PLXNA4: variants seen among roughly 807,000 people sequenced by gnomAD.
PLXNA4 encodes the protein plexin A4, also known as plexin-A4.
PLXNA4 carries 44 observed loss-of-function variants against 191.8 expected under a neutral mutation model. The ratio of observed to expected loss-of-function variants is 0.23; its 90% confidence interval spans 0.18 to 0.29. The LOEUF is 0.29. Ranked by LOEUF, PLXNA4 falls within the 10% of genes least tolerant of loss-of-function variation. The pLI, the probability that PLXNA4 is intolerant of heterozygous loss-of-function variation, is 1.00. For synonymous variants in PLXNA4, 1,082 were observed against 1,009.5 expected (o/e 1.07, Z -1.36); for missense variants, 1,800 against 2,488.8 (o/e 0.72, Z 5.89).
chr7:132,541,900 C>T (rs759536296), intron 1 of PLXNA4, among the ~76,000 whole-genome samples: 1 of 152,188 alleles, frequency 6.6e-6, no homozygotes, highest in African/African-American at 2.4e-5. Flanking sequence ...ACTCACTCAA[C>T]AAATGAATGA....
At chr7:132,484,892 C>A in intron 3 of PLXNA4, 1 of 1,614,196 alleles carries the variant, frequency 6.2e-7, no homozygotes, top group East Asian at 2.2e-5. Context: ...TGCTTTGTGA[C>A]TTGAGCACTG....
intron 3 of PLXNA4, chr7:132,367,910 G>A (rs577589417): frequency 1.3e-5 from 2 of 152,274 alleles, no homozygotes; most frequent in Admixed American, 1.3e-4. Flanking sequence ...AGGCCAAATA[G>A]CTGGCCCAGG....
At chr7:132,387,924 G>A (rs115716893) in intron 3 of PLXNA4, among the ~76,000 whole-genome samples, 1,814 of 152,136 alleles carry the variant, frequency 0.012, 36 homozygotes, top group African/African-American at 0.041. Flanking sequence ...CTCCAGCATA[G>A]AGCCAGAGAG....
At chr7:132,569,180 A>G (rs1424916809) in intron 1 of PLXNA4, among the ~76,000 whole-genome samples, 1 of 152,202 alleles carries the variant, frequency 6.6e-6, no homozygotes, top group East Asian at 1.9e-4. Flanking sequence ...TCTGAGACAT[A>G]CTGTTCACAC....
intron 3 of PLXNA4, among the ~76,000 whole-genome samples, chr7:132,338,176 G>T (rs1021158913): frequency 1.3e-5 from 2 of 152,304 alleles, no homozygotes; most frequent in Admixed American, 1.3e-4. Context: ...TGAAAGGACC[G>T]CAGGATGGAA....
At chr7:132,611,349 C>G (rs138842639) in intron 2 of PLXNA4, among the ~76,000 whole-genome samples, 26 of 152,326 alleles carry the variant, frequency 1.7e-4, no homozygotes, top group African/African-American at 5.8e-4. Flanking sequence ...AAAGTAACAG[C>G]TCTTTCTCCA....
At chr7:132,576,974 C>A (rs1342468165), upstream of PLXNA4, 1 of 146,362 alleles carries the variant, frequency 6.8e-6, no homozygotes, top group African/African-American at 2.5e-5. This position sits in a 1 kb window ranked among gnomAD's most constrained non-coding sequence, Gnocchi z 5.8. Context: ...TAGCGGCGGC[C>A]GCCCCCCGGC....
At chr7:132,597,213 A>T (rs560189533) in intron 2 of PLXNA4, among the ~76,000 whole-genome samples, 4 of 152,084 alleles carry the variant, frequency 2.6e-5, no homozygotes, top group Non-Finnish European at 5.9e-5. Flanking sequence ...ATTCACTTTG[A>T]ATTTTTCCCT....
intron 2 of PLXNA4, among the ~76,000 whole-genome samples, chr7:132,628,649 C>T (rs1424839453): frequency 6.6e-6 from 1 of 151,716 alleles, no homozygotes; most frequent in East Asian, 1.9e-4. Context: ...TCTTCCATTT[C>T]AGTCTCTAGG....
At position 132,303,796 on chromosome 7, in the gene PLXNA4, G is replaced by A. The variant is rs578237399; in HGVS notation, c.1372-5574C>T. On this transcript the variant is annotated intron_variant, in intron 3 of 31. Transcript: ENST00000321063. ...AAGTGCCAGCCCCGCCTTCCAGGAG[G>A]CCTGTCTCCTGGAGGGCTCAGATTT... Among the ~76,000 whole-genome samples, 3 of 152,282 alleles carry A rather than the reference G, an allele frequency of 2.0e-5. No individual in the cohort carries two copies. The South Asian group carries it at 6.2e-4, about 32-fold the overall frequency.
chr7:132,531,970 G>A (rs756434997), intron 1 of PLXNA4, among the ~76,000 whole-genome samples: 1 of 152,144 alleles, frequency 6.6e-6, no homozygotes, highest in East Asian at 1.9e-4. Flanking sequence ...CTCAAAATCC[G>A]ACATTGTAAA....
At chr7:132,545,806 T>TTGAC (rs986653774) in intron 1 of PLXNA4, among the ~76,000 whole-genome samples, 19 of 152,160 alleles carry the variant, frequency 1.2e-4, no homozygotes, top group Non-Finnish European at 1.6e-4. Context: ...AGGGAGAGGT[T>TTGAC]TGACTGACTG....
At chr7:132,510,165 G>A (rs867959605) in intron 1 of PLXNA4, among the ~76,000 whole-genome samples, 2 of 152,134 alleles carry the variant, frequency 1.3e-5, no homozygotes, top group Non-Finnish European at 2.9e-5. Context: ...CATCCTATCT[G>A]GGGGCATCTC....
At chr7:132,163,224 G>T (rs553175840) in intron 24 of PLXNA4, among the ~76,000 whole-genome samples, 2 of 152,208 alleles carry the variant, frequency 1.3e-5, no homozygotes, top group African/African-American at 4.8e-5. Context: ...TGAGCTCCCT[G>T]GGTTTGAAAG....
intron 3 of PLXNA4, among the ~76,000 whole-genome samples, chr7:132,391,199 G>T (rs1396132646): frequency 2.0e-5 from 3 of 152,204 alleles, no homozygotes; most frequent in Non-Finnish European, 4.4e-5. Context: ...GCATGAGTGT[G>T]TGTGGCCATG....
At chr7:132,226,115 A>C (rs1476010940) in intron 8 of PLXNA4, 46 bp downstream of exon 8, 2 of 1,547,890 alleles carry the variant, frequency 1.3e-6, no homozygotes, top group Non-Finnish European at 1.8e-6. Flanking sequence ...CTTTGGATGA[A>C]ACTTGACCCC....
chr7:132,384,573 C>T (rs935986702), intron 3 of PLXNA4: 3 of 988,254 alleles, frequency 3.0e-6, no homozygotes, highest in Non-Finnish European at 3.6e-6. Context: ...CAGATGCCAA[C>T]AGAGCTTTTG....
intron 7 of PLXNA4, among the ~76,000 whole-genome samples, chr7:132,226,965 C>T (rs76579009): frequency 0.062 from 9,473 of 152,292 alleles, 636 homozygotes; most frequent in East Asian, 0.32. Flanking sequence ...GAGCCTCTGC[C>T]CACTCCTGTC....
At chr7:132,565,615 G>A (rs1257163805) in intron 1 of PLXNA4, among the ~76,000 whole-genome samples, 7 of 152,082 alleles carry the variant, frequency 4.6e-5, no homozygotes, top group Admixed American at 3.3e-4. Context: ...CATGACATCC[G>A]CAGACCCAGA....
Sources: allele counts gnomAD v4.1 joint callset (sites outside exome capture counted in the v4.1 genomes callset), GRCh38; gene constraint gnomAD v4.1.1; non-coding constraint Gnocchi (gnomAD v3.1); transcripts MANE v1.5; gene names NCBI Gene and HGNC (gene_info 2026-07-23, HGNC 2026-07-21).